TRAPPC9: variants seen among roughly 807,000 people sequenced by gnomAD.
TRAPPC9 encodes trafficking protein particle complex subunit 9, also known as IKK2 binding protein.
Under a neutral mutation model 124.0 loss-of-function variants are expected in TRAPPC9, and 83 were observed. The observed-to-expected ratio is 0.67, with a 90% confidence interval of 0.56 to 0.80. The LOEUF is 0.80. Ranked by LOEUF, TRAPPC9 falls within the 30% of genes least tolerant of loss-of-function variation. TRAPPC9 has a pLI of 0.00. For synonymous variants in TRAPPC9, 638 were observed against 617.5 expected (o/e 1.03, Z -0.49); for missense variants, 1,302 against 1,508.3 (o/e 0.86, Z 2.27).
intron 17 of TRAPPC9, among the ~76,000 whole-genome samples, chr8:140,175,260 ATTGGTTT>A (rs2130971458): frequency 6.6e-6 from 1 of 151,990 alleles, no homozygotes; most frequent in Non-Finnish European, 1.5e-5. Context: ...GCCCCAAATA[ATTGGTTT>A]TTGAATTATG....
chr8:139,912,397 T>C (rs1235202477), intron 19 of TRAPPC9, among the ~76,000 whole-genome samples: 1 of 151,514 alleles, frequency 6.6e-6, no homozygotes, highest in Non-Finnish European at 1.5e-5. Flanking sequence ...CTCCTATTTT[T>C]TGGACTCTCA....
At chr8:140,000,197 G>A (rs1838295995) in intron 18 of TRAPPC9, among the ~76,000 whole-genome samples, 1 of 151,918 alleles carries the variant, frequency 6.6e-6, no homozygotes, top group Non-Finnish European at 1.5e-5. Context: ...AGCTGAAACT[G>A]GATCCCTTCC....
intron 17 of TRAPPC9, among the ~76,000 whole-genome samples, chr8:140,054,990 C>A (rs916396848): frequency 1.4e-4 from 22 of 152,164 alleles, no homozygotes; most frequent in Non-Finnish European, 3.2e-4. Flanking sequence ...AATTCCAATC[C>A]TTCTCAACTC....
At chr8:140,055,230 A>T (rs1842229691) in intron 17 of TRAPPC9, among the ~76,000 whole-genome samples, 1 of 152,238 alleles carries the variant, frequency 6.6e-6, no homozygotes, top group African/African-American at 2.4e-5. Flanking sequence ...AAATCAATCA[A>T]TGTGGCTCTA....
At chr8:140,401,516 A>G (rs2069269787) in intron 6 of TRAPPC9, among the ~76,000 whole-genome samples, 1 of 152,314 alleles carries the variant, frequency 6.6e-6, no homozygotes, top group Middle Eastern at 3.4e-3. Context: ...CTCTTAAAAC[A>G]GTTTCTATTG....
At chr8:140,158,533 A>T (rs1255710605) in intron 17 of TRAPPC9, among the ~76,000 whole-genome samples, 1 of 152,278 alleles carries the variant, frequency 6.6e-6, no homozygotes, top group Non-Finnish European at 1.5e-5. Flanking sequence ...CAAAACTGCA[A>T]GATAACAAAT....
intron 16 of TRAPPC9, among the ~76,000 whole-genome samples, chr8:140,226,818 A>C (rs1366978700): frequency 6.6e-6 from 1 of 151,968 alleles, no homozygotes; most frequent in Non-Finnish European, 1.5e-5. Context: ...ATGTTTTAGA[A>C]CTAGGAGGCT....
chr8:139,934,679 A>G (rs1277774561), intron 19 of TRAPPC9, among the ~76,000 whole-genome samples: 1 of 152,234 alleles, frequency 6.6e-6, no homozygotes, highest in African/African-American at 2.4e-5. Flanking sequence ...ATGTGGCCAC[A>G]GGAGGCCCCA....
At chr8:140,186,825 T>C (rs377323297) in intron 17 of TRAPPC9, among the ~76,000 whole-genome samples, 1 of 152,210 alleles carries the variant, frequency 6.6e-6, no homozygotes, top group African/African-American at 2.4e-5. Flanking sequence ...CAGGTCTTCT[T>C]AATTATTTTT....
intron 18 of TRAPPC9, 145 bp downstream of exon 18, chr8:140,023,792 C>T (rs1352773871): frequency 5.6e-6 from 7 of 1,258,282 alleles, no homozygotes; most frequent in African/African-American, 4.5e-5. Context: ...TAAAGAAAAA[C>T]CTACATCCCA....
chr8:139,742,135 G>C lies in TRAPPC9; in HGVS notation c.3056-9933C>G, dbSNP rs1818602250. ...GGCTGCACCCCCATTCCCAGCGGCGGTGCGGGAGAGGCCTGACTGCTCCAC... is the reference window on the plus strand; with the variant it reads ...GGCTGCACCCCCATTCCCAGCGGCGCTGCGGGAGAGGCCTGACTGCTCCAC... On this transcript the variant is annotated intron_variant, in intron 21 of 22. Transcript: ENST00000438773. The surrounding 1 kb of genome is among the most constrained non-coding windows in gnomAD (Gnocchi z 4.7). Among the ~76,000 whole-genome samples the C allele has an allele frequency of 6.6e-6, 1 of 152,244 alleles. No homozygotes were observed. Among genetic ancestry groups the C allele is most frequent in the South Asian group, 2.1e-4 (1 of 4,836 alleles).
chr8:140,217,103 A>G lies in TRAPPC9; in HGVS notation c.2556+4356T>C, dbSNP rs114681753. Among the ~76,000 whole-genome samples, 176 of 152,298 alleles carry G rather than the reference A, an allele frequency of 1.2e-3. 1 individual carries two copies. Among genetic ancestry groups the G allele is most frequent in the African/African-American group, 4.1e-3 (170 of 41,568 alleles). ...CCCGGGGCACCGTAACTGACTCACAACTGGAGCACAATATACGTTGTGCTT... is the reference window on the plus strand; with the variant it reads ...CCCGGGGCACCGTAACTGACTCACAGCTGGAGCACAATATACGTTGTGCTT... On this transcript the variant is annotated intron_variant, in intron 17 of 22. Transcript: ENST00000438773.
intron 17 of TRAPPC9, among the ~76,000 whole-genome samples, chr8:140,206,529 A>G (rs1451573199): frequency 6.6e-6 from 1 of 152,154 alleles, no homozygotes; most frequent in Non-Finnish European, 1.5e-5. Flanking sequence ...GTTTTGATTT[A>G]CAAAACTAAT....
At chr8:140,262,199 T>C (rs2064441570) in intron 15 of TRAPPC9, among the ~76,000 whole-genome samples, 1 of 144,272 alleles carries the variant, frequency 6.9e-6, no homozygotes, top group South Asian at 2.3e-4. Flanking sequence ...ATGCTGTAGT[T>C]CTATTTTAAG....
At chr8:140,407,888 C>T (rs1187497247) in intron 5 of TRAPPC9, among the ~76,000 whole-genome samples, 2 of 152,186 alleles carry the variant, frequency 1.3e-5, no homozygotes, top group African/African-American at 4.8e-5. Context: ...TCCCAAAGTG[C>T]TAGAATTACA....
At chr8:139,799,159 C>T (rs1823294325) in intron 21 of TRAPPC9, among the ~76,000 whole-genome samples, 1 of 152,094 alleles carries the variant, frequency 6.6e-6, no homozygotes, top group South Asian at 2.1e-4. Context: ...GTAATAGGAT[C>T]CTGCGGGTAG....
chr8:139,908,834 G>GA (rs1384970483), intron 20 of TRAPPC9: 1 of 152,172 alleles, frequency 6.6e-6, no homozygotes, highest in Non-Finnish European at 1.5e-5. Flanking sequence ...GAATACAAGG[G>GA]AAAGACAACT....
intron 5 of TRAPPC9, among the ~76,000 whole-genome samples, chr8:140,408,105 G>T (rs1486978794): frequency 1.3e-5 from 2 of 152,146 alleles, no homozygotes; most frequent in East Asian, 3.8e-4. Flanking sequence ...CCATAGATTT[G>T]ATCTTTCTTG....
chr8:139,798,894 G>A (rs981116472), intron 21 of TRAPPC9, among the ~76,000 whole-genome samples: 1 of 152,216 alleles, frequency 6.6e-6, no homozygotes, highest in African/African-American at 2.4e-5. Context: ...TGTCGGCGGG[G>A]CTGTACTTTT....
Sources: gnomAD v4.1 joint callset for allele counts (sites outside exome capture counted in the v4.1 genomes callset) on GRCh38, gnomAD v4.1.1 for gene constraint, Gnocchi (gnomAD v3.1) non-coding constraint, MANE v1.5 for transcripts, NCBI Gene and HGNC (gene_info 2026-07-23, HGNC 2026-07-21) for gene names.